Variants in RBFOX3 observed in about 807,000 individuals in gnomAD.
The protein encoded by RBFOX3 is RNA binding protein fox-1 homolog 3.
RBFOX3 carries 17 observed loss-of-function variants against 48.7 expected under a neutral mutation model. The ratio of observed to expected loss-of-function variants is 0.35; its 90% CI spans 0.24 to 0.52. RBFOX3 has a LOEUF of 0.52. Ranked by LOEUF, RBFOX3 falls within the 20% of genes least tolerant of loss-of-function variation. RBFOX3 has a pLI of 0.94. For synonymous variants in RBFOX3, 212 were observed against 209.5 expected (o/e 1.01, Z -0.10); for missense variants, 382 against 497.5 (o/e 0.77, Z 2.21).
intron 2 of RBFOX3, among the ~76,000 whole-genome samples, chr17:79,387,073 G>A (rs2060656165): frequency 6.6e-6 from 1 of 152,190 alleles, no homozygotes; most frequent in Non-Finnish European, 1.5e-5. Flanking sequence ...ACAGGGACAG[G>A]AAAGCAGGAC....
intron 2 of RBFOX3, among the ~76,000 whole-genome samples, chr17:79,369,888 C>T (rs1020958810): frequency 1.5e-4 from 23 of 152,354 alleles, no homozygotes; most frequent in African/African-American, 4.6e-4. Flanking sequence ...GAAGCTCCCA[C>T]GGAGAGAGAA....
At position 79,363,576 on chromosome 17, in the gene RBFOX3, C is replaced by T. The variant is rs2057302333; in HGVS notation, c.-174-55752G>A. ...TCCCCTTCCTGTTCCTGCCCAGCTT[C>T]CCTGGGGGGTCTCCGCGAGCAACAT... On this transcript the variant is annotated intron_variant, in intron 2 of 14. Transcript: ENST00000693108. The surrounding 1 kb of genome is among the most constrained non-coding windows in gnomAD (Gnocchi z 4.7). 6.6e-6 allele frequency among the ~76,000 whole-genome samples: 1 copy of T among 151,956 alleles called. No homozygotes were observed. The highest frequency in any genetic ancestry group is 1.5e-5 in the Non-Finnish European group (1 of 67,998).
At chr17:79,288,483 C>CT (rs984991697) in intron 3 of RBFOX3, among the ~76,000 whole-genome samples, 1 of 152,100 alleles carries the variant, frequency 6.6e-6, no homozygotes. Flanking sequence ...TGCAGCCCCC[C>CT]CCAGCCCGGC....
At chr17:79,188,143 G>T (rs1017267888) in intron 4 of RBFOX3, among the ~76,000 whole-genome samples, 1 of 152,222 alleles carries the variant, frequency 6.6e-6, no homozygotes, top group East Asian at 1.9e-4. Flanking sequence ...CTCGCTGGAG[G>T]TGGCCAGCAG....
chr17:79,550,772 C>T (rs1043993631), intron 1 of RBFOX3, among the ~76,000 whole-genome samples: 3 of 151,954 alleles, frequency 2.0e-5, no homozygotes, highest in Non-Finnish European at 4.4e-5. Context: ...TGGATGAATG[C>T]GTGGGTGGGT....
chr17:79,474,446 C>G (rs1386281790), intron 2 of RBFOX3, among the ~76,000 whole-genome samples: 1 of 152,182 alleles, frequency 6.6e-6, no homozygotes, highest in East Asian at 1.9e-4. Flanking sequence ...CCTCCTTTCC[C>G]TCAACGGATG....
At chr17:79,131,557 C>A (rs2038917978) in intron 4 of RBFOX3, among the ~76,000 whole-genome samples, 1 of 152,232 alleles carries the variant, frequency 6.6e-6, no homozygotes, top group Non-Finnish European at 1.5e-5. Flanking sequence ...ACTCCAACTC[C>A]AAACCTGGGC....
chr17:79,403,738 G>A (rs1477859619), intron 2 of RBFOX3, among the ~76,000 whole-genome samples: 2 of 151,160 alleles, frequency 1.3e-5, no homozygotes, highest in East Asian at 1.9e-4. Flanking sequence ...CCCAGGCCCC[G>A]TCCTCTCAGG....
At chr17:79,655,194 C>G in the RBFOX3 span, among the ~76,000 whole-genome samples, 1 of 152,160 alleles carries the variant, frequency 6.6e-6, no homozygotes, top group Non-Finnish European at 1.5e-5. Context: ...AAGCCCTGCA[C>G]CCGGACCAGC....
At chr17:79,507,783 C>T (rs2083387789) in intron 1 of RBFOX3, among the ~76,000 whole-genome samples, 1 of 152,192 alleles carries the variant, frequency 6.6e-6, no homozygotes, top group Admixed American at 6.5e-5. Context: ...AGTCTCCTCT[C>T]TCCTTTACAG....
At chr17:79,554,740 A>G (rs1428299488) in intron 1 of RBFOX3, among the ~76,000 whole-genome samples, 7 of 152,276 alleles carry the variant, frequency 4.6e-5, no homozygotes, top group Non-Finnish European at 5.9e-5. Flanking sequence ...GATGTAATAT[A>G]CAATCATTAT....
At chr17:79,281,235 G>T (rs1444513412) in intron 3 of RBFOX3, among the ~76,000 whole-genome samples, 1 of 152,262 alleles carries the variant, frequency 6.6e-6, no homozygotes, top group East Asian at 1.9e-4. Context: ...CTACCCAGGT[G>T]CCTTGGGCCT....
chr17:79,242,658 G>A lies in RBFOX3; in HGVS notation c.-73-6853C>T, dbSNP rs1330824246. Among the ~76,000 whole-genome samples, 8 of 152,178 alleles carry A rather than the reference G, an allele frequency of 5.3e-5. No homozygotes were observed. The highest frequency in any genetic ancestry group is 3.9e-4 in the East Asian group (2 of 5,150). Reference sequence around the variant, plus strand: ...ATAAACTGTCACCATTAGGGAGACCGGGGAGTTCTGGCAGGTTCTGGCCAT... The same window carrying A: ...ATAAACTGTCACCATTAGGGAGACCAGGGAGTTCTGGCAGGTTCTGGCCAT... On this transcript the variant is annotated intron_variant, in intron 3 of 14. Coordinates refer to ENST00000693108, the MANE Select transcript of RBFOX3 (RefSeq NM_001350451.2). The surrounding 1 kb of genome is among the most constrained non-coding windows in gnomAD (Gnocchi z 5.8).
At chr17:79,373,853 TTTTTTG>T (rs955606834) in intron 2 of RBFOX3, among the ~76,000 whole-genome samples, 5 of 151,654 alleles carry the variant, frequency 3.3e-5, no homozygotes, top group Admixed American at 1.3e-4. Flanking sequence ...TGAGTTTTCT[TTTTTTG>T]TTTTTGTTTT....
At chr17:79,572,720 ACG>A (rs2092720600) in intron 1 of RBFOX3, among the ~76,000 whole-genome samples, 1 of 152,166 alleles carries the variant, frequency 6.6e-6, no homozygotes, top group Non-Finnish European at 1.5e-5. Context: ...CGGTTTGCAA[ACG>A]TGCGTGTTTC....
intron 3 of RBFOX3, among the ~76,000 whole-genome samples, chr17:79,258,915 C>T (rs997733201): frequency 2.0e-5 from 3 of 152,220 alleles, no homozygotes; most frequent in African/African-American, 7.2e-5. Flanking sequence ...TGTCGAAAGG[C>T]GCCGTCCCAG....
chr17:79,516,121 G>A (rs1246726802), intron 1 of RBFOX3: 4 of 152,258 alleles, frequency 2.6e-5, no homozygotes, highest in African/African-American at 7.2e-5. Context: ...CGCACAGCCT[G>A]GCCAGGAGCA....
chr17:79,382,649 C>T, intron 2 of RBFOX3, among the ~76,000 whole-genome samples: 1 of 152,164 alleles, frequency 6.6e-6, no homozygotes, highest in South Asian at 2.1e-4. Flanking sequence ...TTGGCCACAA[C>T]CACACTCACG....
rs1048517827 is a variant in RBFOX3, at chr17:79,338,549, G to A, written c.-174-30725C>T. On this transcript the variant is annotated intron_variant, in intron 2 of 14. Coordinates refer to ENST00000693108, the MANE Select transcript of RBFOX3 (RefSeq NM_001350451.2). ...ATTCAACTCCCTGAGGCACCGCACC[G>A]CTGCTATTAGCCTGAGAACTTATTT... is the stretch of plus-strand genomic sequence containing the variant. Among the ~76,000 whole-genome samples the A allele has an allele frequency of 1.3e-4, 20 of 152,124 alleles. No individual in the cohort carries two copies. In the East Asian group the frequency reaches 2.3e-3, roughly 18 times the overall value.
Sources: gnomAD v4.1 joint callset for allele counts (sites outside exome capture counted in the v4.1 genomes callset) on GRCh38, gnomAD v4.1.1 for gene constraint, Gnocchi (gnomAD v3.1) non-coding constraint, MANE v1.5 for transcripts, NCBI Gene and HGNC (gene_info 2026-07-23, HGNC 2026-07-21) for gene names.